Variants in GLG1 observed in about 807,000 individuals in gnomAD.
GLG1 encodes golgi glycoprotein 1.
GLG1 carries 38 observed loss-of-function variants against 160.5 expected under a neutral mutation model. The ratio of observed to expected loss-of-function variants is 0.24; its 90% CI spans 0.18 to 0.31. GLG1 has a LOEUF of 0.31. Among genes scored for constraint, GLG1 ranks in the 10% least tolerant of loss-of-function variants. The pLI, the probability that GLG1 is intolerant of heterozygous loss-of-function variation, is 1.00. For missense variants in GLG1, 1,373 were observed against 1,505.2 expected (o/e 0.91, Z 1.45); for synonymous variants, 644 against 543.4 (o/e 1.19, Z -2.57).
At chr16:74,523,802 G>C (rs2017248499) in intron 2 of GLG1, among the ~76,000 whole-genome samples, 1 of 151,854 alleles carries the variant, frequency 6.6e-6, no homozygotes, top group East Asian at 1.9e-4. Context: ...ACTTTACTAA[G>C]TTCATCTGTT....
At chr16:74,541,838 A>G (rs1270561893) in intron 1 of GLG1, among the ~76,000 whole-genome samples, 1 of 152,076 alleles carries the variant, frequency 6.6e-6, no homozygotes, top group East Asian at 1.9e-4. Flanking sequence ...TTTTTACTAC[A>G]TACTCTTTGC....
rs1167395313 is a variant in GLG1, at chr16:74,448,657, CAGG to C, written c.*4507_*4509del. On this transcript the variant is annotated 3_prime_UTR_variant, in exon 26 of 26. Coordinates refer to ENST00000422840, the MANE Select transcript of GLG1 (RefSeq NM_001145667.2). ...ATCCCAACTACTTGGGAGGCTGAGG[CAGG>C]AGAACTGCTTGAACCTAGGAGGCAG... 2.7e-4 allele frequency: 40 copies of C among 147,506 alleles called. No homozygotes were observed. Among genetic ancestry groups the C allele is most frequent in the African/African-American group, 8.6e-4 (34 of 39,750 alleles). 9.1% of individuals were successfully genotyped at this position (147,506 alleles called of 1,614,324 possible).
intron 19 of GLG1, among the ~76,000 whole-genome samples, chr16:74,463,708 C>T (rs916422732): frequency 8.1e-5 from 12 of 147,466 alleles, no homozygotes; most frequent in Admixed American, 2.8e-4. Flanking sequence ...TGCGTCACCA[C>T]GCCCAGCTCA....
chr16:74,602,058 TG>T (rs1050105311), intron 1 of GLG1, among the ~76,000 whole-genome samples: 5 of 152,146 alleles, frequency 3.3e-5, no homozygotes, highest in Admixed American at 6.6e-5. Context: ...ATAGAGATGG[TG>T]TAGTCCACTA....
At chr16:74,584,713 C>T (rs963524741) in intron 1 of GLG1, among the ~76,000 whole-genome samples, 1 of 151,860 alleles carries the variant, frequency 6.6e-6, no homozygotes, top group Non-Finnish European at 1.5e-5. Context: ...GTCAAGAGAT[C>T]GAGACTACCC....
intron 1 of GLG1, among the ~76,000 whole-genome samples, chr16:74,594,546 C>T (rs1256604276): frequency 6.6e-6 from 1 of 152,178 alleles, no homozygotes; most frequent in Non-Finnish European, 1.5e-5. Context: ...TGGCACAGTT[C>T]TGAGGACCAT....
At chr16:74,603,761 T>G (rs1319315822) in intron 1 of GLG1, among the ~76,000 whole-genome samples, 24 of 152,200 alleles carry the variant, frequency 1.6e-4, no homozygotes. Flanking sequence ...TCTCTTTCTT[T>G]GGTATTATTA....
intron 1 of GLG1, among the ~76,000 whole-genome samples, chr16:74,597,212 C>G (rs755584546): frequency 1.3e-5 from 2 of 149,220 alleles, no homozygotes; most frequent in African/African-American, 4.9e-5. Context: ...GCGGGAGGAT[C>G]ACCAGGTCAA....
At position 74,600,349 on chromosome 16, in the gene GLG1, TGCCACTGCACTCCA is replaced by T. The variant is rs566559154; in HGVS notation, c.438+6294_438+6307del. ...TTGAGGTTGCAGTGAGCCATGATCATGCCACTGCACTCCAGCCAGCCTGGGAGATAGAGTAAGAC... is the reference window on the plus strand; with the variant it reads ...TTGAGGTTGCAGTGAGCCATGATCATGCCAGCCTGGGAGATAGAGTAAGAC... On this transcript the variant is annotated intron_variant, in intron 1 of 25. Transcript: ENST00000422840. Among the ~76,000 whole-genome samples, 290 of 145,866 alleles carry T rather than the reference TGCCACTGCACTCCA, an allele frequency of 2.0e-3. 1 individual carries two copies. Among genetic ancestry groups the T allele is most frequent in the African/African-American group, 7.1e-3 (281 of 39,386 alleles).
intron 1 of GLG1, among the ~76,000 whole-genome samples, chr16:74,533,298 G>A: frequency 6.6e-6 from 1 of 152,202 alleles, no homozygotes; most frequent in East Asian, 1.9e-4. Context: ...TCCGGCCTGG[G>A]CCACAGAGCG....
chr16:74,597,430 CAA>C (rs1180246941), intron 1 of GLG1, among the ~76,000 whole-genome samples: 14 of 62,204 alleles, frequency 2.3e-4, no homozygotes, highest in Admixed American at 5.8e-4. Context: ...GACTCCATCT[CAA>C]AAAAAAAAAA....
rs563535892 is a variant in GLG1 at position 74,470,225 on chromosome 16, T to C, written c.2230-152A>G. On this transcript the variant is annotated intron_variant, in intron 15 of 25. Coordinates refer to ENST00000422840, the MANE Select transcript of GLG1 (RefSeq NM_001145667.2). ...TGAGACATCACGACCTGCTCATCTC[T>C]CCAGTACTCCCCCTACAACAGGCAG... The C allele has an allele frequency of 6.4e-5, 40 of 629,254 alleles. No homozygotes were observed. In the African/African-American group the frequency reaches 6.7e-4, roughly 11 times the overall value. 39.0% of individuals were successfully genotyped at this position (629,254 alleles called of 1,614,324 possible).
chr16:74,588,338 C>G (rs1958097610), intron 1 of GLG1, among the ~76,000 whole-genome samples: 2 of 152,004 alleles, frequency 1.3e-5, no homozygotes, highest in Middle Eastern at 3.2e-3. Context: ...TGAAAAATAA[C>G]AGAGAAGCAA....
chr16:74,591,403 T>C (rs1337148406), intron 1 of GLG1, among the ~76,000 whole-genome samples: 1 of 151,116 alleles, frequency 6.6e-6, no homozygotes, highest in Non-Finnish European at 1.5e-5. Context: ...CTGAGGCAGG[T>C]GGATCACAAG....
chr16:74,464,834 T>TA (rs2014940574), intron 19 of GLG1, among the ~76,000 whole-genome samples: 2 of 138,750 alleles, frequency 1.4e-5, no homozygotes, highest in South Asian at 2.3e-4. Context: ...TAGTTTAAGT[T>TA]TAAAAAAAAT....
chr16:74,590,138 C>T (rs1235539050), intron 1 of GLG1, among the ~76,000 whole-genome samples: 1 of 151,864 alleles, frequency 6.6e-6, no homozygotes, highest in Non-Finnish European at 1.5e-5. Context: ...GTAGGGACTA[C>T]AGGCGCACGC....
chr16:74,551,856 G>A (rs62054177), intron 1 of GLG1, among the ~76,000 whole-genome samples: 99,761 of 150,312 alleles, frequency 0.66, 33,318 homozygotes, highest in East Asian at 0.81. Context: ...ATCCTTAAAC[G>A]TCTTCGCCAT....
intron 1 of GLG1, among the ~76,000 whole-genome samples, chr16:74,561,799 C>T (rs2018521668): frequency 6.6e-6 from 1 of 152,158 alleles, no homozygotes; most frequent in Non-Finnish European, 1.5e-5. Context: ...CTGGTCCTTC[C>T]TGAATCCGTA....
At chr16:74,504,125 C>A (rs936305947) in intron 3 of GLG1, among the ~76,000 whole-genome samples, 15 of 152,052 alleles carry the variant, frequency 9.9e-5, no homozygotes, top group African/African-American at 3.6e-4. Context: ...CAGGAGACAG[C>A]GAGGGGATGA....
Sources: allele counts gnomAD v4.1 joint callset (sites outside exome capture counted in the v4.1 genomes callset), GRCh38; gene constraint gnomAD v4.1.1; transcripts MANE v1.5; gene names NCBI Gene and HGNC (gene_info 2026-07-23, HGNC 2026-07-21).